The following IL20RB variants were observed in gnomAD, a reference collection of about 807,000 sequenced individuals.
IL20RB encodes the protein interleukin 20 receptor subunit beta.
IL20RB carries 21 observed loss-of-function variants against 33.3 expected under a neutral mutation model. The ratio of observed to expected loss-of-function variants is 0.63; its 90% CI spans 0.45 to 0.91. IL20RB has a LOEUF of 0.91. Ranked by LOEUF, IL20RB falls within the 40% of genes least tolerant of loss-of-function variation. The pLI, the probability that IL20RB is intolerant of heterozygous loss-of-function variation, is 0.00. For synonymous variants in IL20RB, 147 were observed against 146.8 expected (o/e 1.00, Z -0.01); for missense variants, 345 against 384.8 (o/e 0.90, Z 0.86).
At chr3:136,991,890 G>T (rs192651615) in intron 4 of IL20RB, 48 bp from the exon 5 acceptor site, 1 of 1,595,834 alleles carries the variant, frequency 6.3e-7, no homozygotes, top group East Asian at 2.3e-5. Flanking sequence ...GATTATAGGC[G>T]TGAGCCACCG....
intron 3 of IL20RB, among the ~76,000 whole-genome samples, 199 bp from the exon 4 acceptor site, chr3:136,989,242 A>T (rs1395306974): frequency 6.6e-6 from 1 of 152,172 alleles, no homozygotes; most frequent in Non-Finnish European, 1.5e-5. Flanking sequence ...TTTATTCATC[A>T]CTCAAAAAGC....
chr3:136,988,922 T>C (rs1180273581), intron 3 of IL20RB, among the ~76,000 whole-genome samples: 4 of 152,128 alleles, frequency 2.6e-5, no homozygotes, highest in Non-Finnish European at 5.9e-5. Flanking sequence ...CCCTGCCAGG[T>C]ATGCTCATTC....
intron 6 of IL20RB, among the ~76,000 whole-genome samples, chr3:137,005,558 G>A (rs981317051): frequency 3.0e-4 from 46 of 152,172 alleles, no homozygotes; most frequent in African/African-American, 9.4e-4. Flanking sequence ...TTGGTTTAAC[G>A]TCTGTTTTAT....
At chr3:136,982,411 C>A in intron 3 of IL20RB, 61 bp downstream of exon 3, 1 of 1,240,828 alleles carries the variant, frequency 8.1e-7, no homozygotes, top group Non-Finnish European at 1.1e-6. Context: ...GAACCATGTT[C>A]ACCTAAACTT....
intron 6 of IL20RB, among the ~76,000 whole-genome samples, chr3:137,000,970 G>C (rs759039787): frequency 1.3e-5 from 2 of 152,168 alleles, no homozygotes; most frequent in African/African-American, 2.4e-5. Context: ...TGCCTTGTTA[G>C]TGAGGAACAG....
chr3:137,001,617 A>G (rs1942243614), intron 6 of IL20RB, among the ~76,000 whole-genome samples: 1 of 152,200 alleles, frequency 6.6e-6, no homozygotes, highest in African/African-American at 2.4e-5. Flanking sequence ...ATCCTTGACA[A>G]TTCTTCAAAA....
Position 137,007,980 on chromosome 3 carries a change from A to G in IL20RB, c.826-2133A>G, listed in dbSNP as rs1932971112. Among the ~76,000 whole-genome samples, 5 of 152,302 alleles carry G rather than the reference A, an allele frequency of 3.3e-5. No homozygotes were observed. The South Asian group carries it at 1.0e-3, about 32-fold the overall frequency. Reference sequence around the variant, plus strand: ...TATATATGGAAGGAAAATTATATTAATTCTGCCCAGTATATAGTCTCTGTT... The same window carrying G: ...TATATATGGAAGGAAAATTATATTAGTTCTGCCCAGTATATAGTCTCTGTT... On this transcript the variant is annotated intron_variant, in intron 6 of 6. Coordinates refer to ENST00000329582, the MANE Select transcript of IL20RB (RefSeq NM_144717.4).
At chr3:136,984,759 C>CTGGAA (rs770515796) in intron 3 of IL20RB, among the ~76,000 whole-genome samples, 95 of 151,920 alleles carry the variant, frequency 6.3e-4, no homozygotes, top group African/African-American at 1.6e-3. Context: ...GGCACCAGGA[C>CTGGAA]TGGAATGGAA....
chr3:136,978,266 A>T (rs1941677960), intron 1 of IL20RB, among the ~76,000 whole-genome samples: 1 of 151,484 alleles, frequency 6.6e-6, no homozygotes, highest in South Asian at 2.1e-4. Flanking sequence ...CCCAGGTTCA[A>T]GCAAGTCTCC....
In IL20RB at chr3:136,982,205, C is replaced by T. The variant is rs1215246601; in HGVS notation, c.261C>T (p.Ser87=). 1 of 1,601,872 alleles carries T rather than the reference C, an allele frequency of 6.2e-7. No homozygotes were observed. Among genetic ancestry groups the T allele is most frequent in the East Asian group, 2.3e-5 (1 of 44,428 alleles). Reference sequence around the variant, plus strand: ...CGAGCCACATCTGGATCCCCAGCAGCTGGTGCTCACTCACTGAAGGTCCTG... The same window carrying T: ...CGAGCCACATCTGGATCCCCAGCAGTTGGTGCTCACTCACTGAAGGTCCTG... ...LYTSHIWIPS[S]WCSLTEGPEC... is the part of the protein sequence containing the mutation. Residue 87 remains serine, a synonymous_variant, in exon 3 of 7, where the codon AGC becomes AGT. Transcript: ENST00000329582.
intron 6 of IL20RB, among the ~76,000 whole-genome samples, chr3:137,009,774 G>A (rs1001004860): frequency 2.6e-5 from 4 of 152,058 alleles, no homozygotes; most frequent in African/African-American, 7.2e-5. Context: ...GGGCTCAAGC[G>A]ATCTGCCTGT....
intron 6 of IL20RB, among the ~76,000 whole-genome samples, chr3:136,998,498 T>C (rs1942179528): frequency 6.6e-6 from 1 of 151,836 alleles, no homozygotes; most frequent in Non-Finnish European, 1.5e-5. Flanking sequence ...TTTATAAAAC[T>C]TCTTGACTTT....
chr3:137,005,178 C>G (rs1333685213), intron 6 of IL20RB, among the ~76,000 whole-genome samples: 1 of 152,164 alleles, frequency 6.6e-6, no homozygotes. Context: ...GAGTGCTTTA[C>G]TTCCATTTAT....
intron 1 of IL20RB, among the ~76,000 whole-genome samples, chr3:136,966,156 T>C (rs1302565491): frequency 7.0e-6 from 1 of 142,970 alleles, no homozygotes; most frequent in Non-Finnish European, 1.5e-5. Context: ...TCTAAGATTC[T>C]CTTTTTTTGT....
chr3:137,003,446 T>C (rs1232299463), intron 6 of IL20RB, among the ~76,000 whole-genome samples: 1 of 152,220 alleles, frequency 6.6e-6, no homozygotes, highest in African/African-American at 2.4e-5. Context: ...TTTATTTCGT[T>C]GAGCAGTGAT....
chr3:137,008,389 A>T (rs1033630994), intron 6 of IL20RB, among the ~76,000 whole-genome samples: 5 of 152,244 alleles, frequency 3.3e-5, no homozygotes, highest in African/African-American at 1.2e-4. Flanking sequence ...GCAGGTTGCT[A>T]CCAAGAGGAA....
At chr3:136,990,725 T>C (rs1349066856) in intron 4 of IL20RB, among the ~76,000 whole-genome samples, 1 of 152,164 alleles carries the variant, frequency 6.6e-6, no homozygotes, top group Non-Finnish European at 1.5e-5. Flanking sequence ...TATAGCAGTA[T>C]CTGGACTAAG....
At chr3:136,976,196 A>G (rs529663744) in intron 1 of IL20RB, among the ~76,000 whole-genome samples, 1 of 152,296 alleles carries the variant, frequency 6.6e-6, no homozygotes, top group African/African-American at 2.4e-5. Context: ...GCCCTGGCCT[A>G]TGTGCTGTGT....
At chr3:136,986,784 G>A (rs893239821) in intron 3 of IL20RB, 7 of 455,902 alleles carry the variant, frequency 1.5e-5, no homozygotes, top group South Asian at 7.7e-5. Flanking sequence ...AGACCCTCGC[G>A]GTGAGTGTTA....
Sources: gnomAD v4.1 joint callset for allele counts (sites outside exome capture counted in the v4.1 genomes callset) on GRCh38, gnomAD v4.1.1 for gene constraint, MANE v1.5 for transcripts, NCBI Gene and HGNC (gene_info 2026-07-23, HGNC 2026-07-21) for gene names.